Variants in ANGPT1 observed in about 807,000 individuals in gnomAD.
ANGPT1 encodes the protein angiopoietin-1.
Under a neutral mutation model 62.2 loss-of-function variants are expected in ANGPT1, and 17 were observed. The observed-to-expected ratio is 0.27, with a 90% CI of 0.19 to 0.41. ANGPT1 has a LOEUF of 0.41. Among genes scored for constraint, ANGPT1 ranks in the 10% least tolerant of loss-of-function variants. ANGPT1 has a pLI of 1.00. For synonymous variants in ANGPT1, 199 were observed against 198.9 expected, an observed-to-expected ratio of 1.00 and a Z score of 0.00; for missense variants, 478 against 594.9, an observed-to-expected ratio of 0.80 and a Z score of 2.04.
chr8:107,250,023 A>G lies in ANGPT1; in HGVS notation c.*1832T>C, dbSNP rs1227621788. The G allele has an allele frequency of 6.6e-6, 1 of 152,620 alleles. No individual in the cohort carries two copies. The highest frequency in any genetic ancestry group is 2.4e-5 in the African/African-American group (1 of 41,444). The allele number at this position is 152,620 out of a possible 1,614,324, so 9.5% of individuals were successfully genotyped here. On this transcript the variant is annotated 3_prime_UTR_variant, in exon 9 of 9. Coordinates refer to ENST00000517746, the MANE Select transcript of ANGPT1 (RefSeq NM_001146.5). Reference sequence around the variant, plus strand: ...AAAGGGGTAGAATACAGACACATAAATATAAAAAAGACTTGATGGTAAACT... The same window carrying G: ...AAAGGGGTAGAATACAGACACATAAGTATAAAAAAGACTTGATGGTAAACT...
At chr8:107,334,039 A>AAGGAAG in intron 3 of ANGPT1, among the ~76,000 whole-genome samples, 1 of 145,792 alleles carries the variant, frequency 6.9e-6, no homozygotes, top group African/African-American at 2.5e-5. Context: ...GGAAGGAAGG[A>AAGGAAG]TGGATAAATA....
At chr8:107,338,602 T>C (rs185235976) in intron 2 of ANGPT1, among the ~76,000 whole-genome samples, 7 of 152,378 alleles carry the variant, frequency 4.6e-5, no homozygotes, top group African/African-American at 1.7e-4. Context: ...ATATTCATGT[T>C]TGTAAAGGGT....
intron 1 of ANGPT1, among the ~76,000 whole-genome samples, chr8:107,482,278 A>T (rs1812708138): frequency 6.6e-6 from 1 of 152,200 alleles, no homozygotes; most frequent in African/African-American, 2.4e-5. Flanking sequence ...TCAGAAAAGG[A>T]ACTGTAGGGA....
intron 4 of ANGPT1, among the ~76,000 whole-genome samples, chr8:107,304,241 A>T (rs1023520522): frequency 1.3e-5 from 2 of 151,878 alleles, no homozygotes; most frequent in South Asian, 4.2e-4. Context: ...TCCATTATTA[A>T]CTTCTTACAA....
chr8:107,358,593 C>T (rs1389860806), intron 1 of ANGPT1, among the ~76,000 whole-genome samples: 1 of 152,188 alleles, frequency 6.6e-6, no homozygotes, highest in East Asian at 1.9e-4. Flanking sequence ...AATACCTGCT[C>T]TTGTGACTAC....
chr8:107,282,597 A>ATAG (rs1814043199), intron 7 of ANGPT1, among the ~76,000 whole-genome samples: 2 of 81,906 alleles, frequency 2.4e-5, no homozygotes, highest in African/African-American at 9.6e-5. Context: ...TATATATATG[A>ATAG]GCCTCAGCTT....
At chr8:107,377,819 A>C (rs1816558396) in intron 1 of ANGPT1, among the ~76,000 whole-genome samples, 1 of 152,192 alleles carries the variant, frequency 6.6e-6, no homozygotes, top group Non-Finnish European at 1.5e-5. Context: ...AAAACAGATG[A>C]GTGCATTGAA....
At chr8:107,366,511 T>G (rs1230015673) in intron 1 of ANGPT1, among the ~76,000 whole-genome samples, 3 of 152,230 alleles carry the variant, frequency 2.0e-5, no homozygotes, top group African/African-American at 7.2e-5. Flanking sequence ...ATTGTATATA[T>G]GTACAATAAA....
At chr8:107,435,765 G>C (rs768572444) in intron 1 of ANGPT1, among the ~76,000 whole-genome samples, 2 of 152,162 alleles carry the variant, frequency 1.3e-5, no homozygotes, top group Non-Finnish European at 2.9e-5. Flanking sequence ...ACCATGTGCC[G>C]GGGATGACGA....
intron 1 of ANGPT1, among the ~76,000 whole-genome samples, chr8:107,455,085 T>A (rs1378670105): frequency 6.6e-6 from 1 of 152,026 alleles, no homozygotes; most frequent in African/African-American, 2.4e-5. Flanking sequence ...AGATGCTACC[T>A]TACTTTGCAG....
intron 1 of ANGPT1, among the ~76,000 whole-genome samples, chr8:107,457,499 G>A (rs866680357): frequency 8.6e-5 from 13 of 151,956 alleles, no homozygotes; most frequent in Middle Eastern, 3.4e-3. Flanking sequence ...CTTTGTGGTC[G>A]CTGAGGTGAA....
chr8:107,382,090 TCAC>T (rs1314102818), intron 1 of ANGPT1, among the ~76,000 whole-genome samples: 4 of 152,148 alleles, frequency 2.6e-5, no homozygotes, highest in African/African-American at 9.7e-5. Context: ...AAACAATAGG[TCAC>T]CTGCTACTTT....
chr8:107,359,356 T>C (rs1816112812), intron 1 of ANGPT1, among the ~76,000 whole-genome samples: 1 of 152,168 alleles, frequency 6.6e-6, no homozygotes, highest in East Asian at 1.9e-4. Context: ...GTAATGAATC[T>C]TCCCCTATTT....
At chr8:107,333,820 G>T (rs753677968) in intron 3 of ANGPT1, among the ~76,000 whole-genome samples, 2 of 151,402 alleles carry the variant, frequency 1.3e-5, no homozygotes, top group African/African-American at 2.4e-5. Flanking sequence ...TCTATAGTAG[G>T]AAATGATACC....
chr8:107,333,094 A>G (rs1815461655), intron 3 of ANGPT1, among the ~76,000 whole-genome samples: 1 of 152,202 alleles, frequency 6.6e-6, no homozygotes, highest in Admixed American at 6.5e-5. Flanking sequence ...CAATAACAAT[A>G]AACAGAATAG....
At chr8:107,478,028 C>A (rs181321969) in intron 1 of ANGPT1, among the ~76,000 whole-genome samples, 1 of 148,230 alleles carries the variant, frequency 6.7e-6, no homozygotes, top group African/African-American at 2.5e-5. Context: ...AATGAAGTTA[C>A]CAATGGAAAA....
intron 1 of ANGPT1, among the ~76,000 whole-genome samples, chr8:107,449,935 A>C (rs561190829): frequency 1.3e-5 from 2 of 152,106 alleles, no homozygotes; most frequent in East Asian, 3.9e-4. Context: ...TATAGTGTGT[A>C]TGTACTTACA....
chr8:107,257,887 G>GTTTT (rs774474320), intron 8 of ANGPT1, among the ~76,000 whole-genome samples: 12 of 110,968 alleles, frequency 1.1e-4, no homozygotes, highest in Non-Finnish European at 1.7e-4. Flanking sequence ...TTTCTTTTTT[G>GTTTT]TTTGTTTGTT....
chr8:107,459,264 T>C (rs1812001669), intron 1 of ANGPT1, among the ~76,000 whole-genome samples: 2 of 152,088 alleles, frequency 1.3e-5, no homozygotes, highest in African/African-American at 4.8e-5. Context: ...GAAAAGTAGA[T>C]TATGGCCAGG....
Sources: gnomAD v4.1 joint callset for allele counts (sites outside exome capture counted in the v4.1 genomes callset) on GRCh38, gnomAD v4.1.1 for gene constraint, MANE v1.5 for transcripts, NCBI Gene and HGNC (gene_info 2026-07-23, HGNC 2026-07-21) for gene names.